The following CHODL variants were observed in gnomAD, a reference collection of about 807,000 sequenced individuals.
CHODL encodes the protein transmembrane protein MT75.
CHODL carries 29 observed loss-of-function variants against 34.5 expected under a neutral mutation model. That is an observed-to-expected ratio of 0.84 (90% confidence interval 0.63 to 1.15). The LOEUF (loss-of-function observed/expected upper bound fraction) is 1.15. Among genes scored for constraint, CHODL ranks in the 50% most tolerant of loss-of-function variants. The pLI is 0.00. For missense variants in CHODL, 332 were observed against 332.5 expected, an observed-to-expected ratio of 1.00 and a Z score of 0.01; for synonymous variants, 125 against 116.1, an observed-to-expected ratio of 1.08 and a Z score of -0.49.
intron 2 of CHODL, among the ~76,000 whole-genome samples, chr21:18,155,974 C>T (rs1298137063): frequency 6.6e-6 from 1 of 152,302 alleles, no homozygotes; most frequent in East Asian, 1.9e-4. Context: ...ACATGGAATA[C>T]TTATACTCAA....
At chr21:18,036,530 T>G (rs573248185) in intron 2 of CHODL, among the ~76,000 whole-genome samples, 1 of 152,164 alleles carries the variant, frequency 6.6e-6, no homozygotes, top group South Asian at 2.1e-4. Context: ...TTCCTTTCCC[T>G]GCACTGTGGC....
chr21:18,152,545 T>C (rs2072982855), intron 2 of CHODL, among the ~76,000 whole-genome samples: 1 of 152,216 alleles, frequency 6.6e-6, no homozygotes, highest in Non-Finnish European at 1.5e-5. Flanking sequence ...CAGAAGTCTT[T>C]AGTCTTCCTG....
intron 2 of CHODL, among the ~76,000 whole-genome samples, chr21:18,097,101 C>G (rs1410837970): frequency 2.0e-5 from 3 of 151,938 alleles, no homozygotes; most frequent in Admixed American, 6.6e-5. Flanking sequence ...TATGACAGAC[C>G]CAAAGCTAGT....
intron 2 of CHODL, among the ~76,000 whole-genome samples, chr21:18,051,175 C>T (rs376036220): frequency 3.5e-4 from 53 of 151,904 alleles, no homozygotes; most frequent in African/African-American, 1.1e-3. Context: ...GAGAACATGG[C>T]GGTGTTGGGT....
chr21:18,095,509 T>C (rs1472889060), intron 2 of CHODL, among the ~76,000 whole-genome samples: 4 of 152,164 alleles, frequency 2.6e-5, no homozygotes, highest in Non-Finnish European at 5.9e-5. Flanking sequence ...ATTGAACCCA[T>C]ATTAAAATGT....
intron 2 of CHODL, among the ~76,000 whole-genome samples, chr21:18,174,147 A>ATCTTGG (rs1305195623): frequency 4.2e-5 from 5 of 120,430 alleles, no homozygotes; most frequent in South Asian, 5.8e-4. Flanking sequence ...ATATATATAT[A>ATCTTGG]TATATATATA....
intron 2 of CHODL, among the ~76,000 whole-genome samples, chr21:18,137,558 G>C (rs2824650): frequency 0.61 from 92,538 of 151,978 alleles, 30,364 homozygotes; most frequent in Non-Finnish European, 0.75. Context: ...TTAGTCTGCA[G>C]AGCAATATCA....
chr21:18,037,989 A>C (rs2064330813), intron 2 of CHODL, among the ~76,000 whole-genome samples: 1 of 151,724 alleles, frequency 6.6e-6, no homozygotes, highest in Admixed American at 6.6e-5. Context: ...CTTCCTCTTT[A>C]TAACTGGTTT....
At chr21:17,945,530 G>C (rs1429789673) in intron 1 of CHODL, among the ~76,000 whole-genome samples, 1 of 152,098 alleles carries the variant, frequency 6.6e-6, no homozygotes, top group Non-Finnish European at 1.5e-5. Context: ...TGAGCTGGAA[G>C]ATAGAACATT....
At chr21:18,240,745 A>C (rs2074073842), upstream of CHODL, among the ~76,000 whole-genome samples, 1 of 152,176 alleles carries the variant, frequency 6.6e-6, no homozygotes, top group African/African-American at 2.4e-5. Context: ...TTAAAAAGAA[A>C]TTTTAATTGA....
chr21:18,174,122 T>G (rs1307276121), intron 2 of CHODL, among the ~76,000 whole-genome samples: 1 of 12,132 alleles, frequency 8.2e-5, no homozygotes, highest in African/African-American at 1.9e-4. Context: ...TATATCTTGG[T>G]GTATATATAT....
At chr21:17,938,094 T>C (rs1480367655) in intron 1 of CHODL, among the ~76,000 whole-genome samples, 2 of 152,206 alleles carry the variant, frequency 1.3e-5, no homozygotes, top group East Asian at 3.8e-4. Context: ...TTCATTACAT[T>C]TGGTTTATTA....
At chr21:17,970,307 T>TA (rs1568822610) in intron 1 of CHODL, among the ~76,000 whole-genome samples, 1 of 152,194 alleles carries the variant, frequency 6.6e-6, no homozygotes. Flanking sequence ...TTTTAATTTT[T>TA]ATCTTTCTGT....
intron 2 of CHODL, among the ~76,000 whole-genome samples, chr21:18,179,265 C>T (rs1054166641): frequency 6.6e-6 from 1 of 152,106 alleles, no homozygotes; most frequent in African/African-American, 2.4e-5. Context: ...CCACTTGACC[C>T]ATTTCTGTCT....
At chr21:17,994,791 A>G (rs1433538158) in intron 1 of CHODL, among the ~76,000 whole-genome samples, 2 of 152,008 alleles carry the variant, frequency 1.3e-5, no homozygotes, top group Non-Finnish European at 2.9e-5. Flanking sequence ...TGTGTGTGGT[A>G]TGTGGGTGCC....
At chr21:18,108,879 T>C (rs2065311157) in intron 2 of CHODL, among the ~76,000 whole-genome samples, 1 of 150,680 alleles carries the variant, frequency 6.6e-6, no homozygotes. Context: ...GTGTTTCTTC[T>C]AACTTTTTCT....
chr21:17,977,963 G>T (rs1017932153), intron 1 of CHODL, among the ~76,000 whole-genome samples: 3 of 149,292 alleles, frequency 2.0e-5, no homozygotes, highest in Non-Finnish European at 3.0e-5. Flanking sequence ...GTAACAGGTG[G>T]AGGGAAAACA....
intron 2 of CHODL, among the ~76,000 whole-genome samples, chr21:18,146,228 C>T (rs904416518): frequency 4.6e-5 from 7 of 151,866 alleles, no homozygotes; most frequent in African/African-American, 1.7e-4. Context: ...CCGCCCACCT[C>T]GGCCTCCCAA....
chr21:18,226,638 C>T (rs2073933936), intron 2 of CHODL, among the ~76,000 whole-genome samples: 1 of 152,090 alleles, frequency 6.6e-6, no homozygotes, highest in African/African-American at 2.4e-5. Context: ...AATACTCTTC[C>T]TGTCTCTTAG....
Sources: gnomAD v4.1 joint callset for allele counts (sites outside exome capture counted in the v4.1 genomes callset) on GRCh38, gnomAD v4.1.1 for gene constraint, MANE v1.5 for transcripts, NCBI Gene and HGNC (gene_info 2026-07-23, HGNC 2026-07-21) for gene names.